The following NTM variants were observed in gnomAD, a reference collection of about 807,000 sequenced individuals.
NTM encodes IgLON family member 2.
A neutral mutation model predicts 42.1 loss-of-function variants in NTM; 13 were observed. The observed-to-expected ratio is 0.31, with a 90% CI of 0.20 to 0.49. The LOEUF is 0.49. NTM is among the 20% of genes least tolerant of loss of function. The probability of loss-of-function intolerance (pLI) is 0.99; values close to 1 mark genes in which losing one functional copy is unlikely to be tolerated. For synonymous variants in NTM, 187 were observed against 179.2 expected (o/e 1.04, Z -0.35); for missense variants, 373 against 452.8 (o/e 0.82, Z 1.60).
intron 4 of NTM, among the ~76,000 whole-genome samples, chr11:132,278,038 C>T (rs1042892233): frequency 3.3e-5 from 5 of 152,188 alleles, no homozygotes; most frequent in Non-Finnish European, 5.9e-5. Context: ...CCACAGTCAC[C>T]GCTTAATCAC....
intron 1 of NTM, among the ~76,000 whole-genome samples, chr11:131,533,148 C>T (rs1312756854): frequency 6.6e-6 from 1 of 152,100 alleles, no homozygotes; most frequent in Non-Finnish European, 1.5e-5. Context: ...CTTCTAGACT[C>T]CCCCATGGCC....
chr11:131,653,411 C>T (rs1485206270), intron 1 of NTM, among the ~76,000 whole-genome samples: 1 of 152,226 alleles, frequency 6.6e-6, no homozygotes, highest in Non-Finnish European at 1.5e-5. Context: ...TCGCTGCCTG[C>T]AGCTGCGGAA....
At chr11:131,478,595 G>A (rs1342123982) in intron 1 of NTM, among the ~76,000 whole-genome samples, 1 of 152,136 alleles carries the variant, frequency 6.6e-6, no homozygotes, top group Non-Finnish European at 1.5e-5. Flanking sequence ...ATGAAGGCAA[G>A]CTTCATATGG....
At chr11:131,875,886 G>A (rs1056777480) in intron 1 of NTM, among the ~76,000 whole-genome samples, 8 of 152,172 alleles carry the variant, frequency 5.3e-5, no homozygotes, top group African/African-American at 1.9e-4. Context: ...TTCAGTTCCT[G>A]GAGGCTGCAG....
chr11:131,658,979 A>G lies in NTM; in HGVS notation c.83-252585A>G, dbSNP rs187866108. 3.9e-5 allele frequency among the ~76,000 whole-genome samples: 6 copies of G among 152,294 alleles called. No homozygotes were observed. In the East Asian group the frequency reaches 1.2e-3, roughly 30 times the overall value. ...AGAGCGAGACTCCAAAAAGAAAAAA[A>G]CAAATAGATGTAAGCACTGAGAAGG... On this transcript the variant is annotated intron_variant, in intron 1 of 8. Coordinates refer to ENST00000683400, the MANE Select transcript of NTM (RefSeq NM_001352005.2).
At chr11:131,529,886 T>TCAGC (rs2051005061) in intron 1 of NTM, among the ~76,000 whole-genome samples, 1 of 152,094 alleles carries the variant, frequency 6.6e-6, no homozygotes, top group African/African-American at 2.4e-5. Context: ...GCCAGCCTCC[T>TCAGC]CAGCCACCCT....
At chr11:131,762,778 G>A (rs2084426878) in intron 1 of NTM, among the ~76,000 whole-genome samples, 1 of 152,228 alleles carries the variant, frequency 6.6e-6, no homozygotes, top group African/African-American at 2.4e-5. Context: ...CAGCCTGACT[G>A]CTCTTAGAAC....
chr11:131,684,392 C>A (rs1248784901), intron 1 of NTM, among the ~76,000 whole-genome samples: 1 of 152,206 alleles, frequency 6.6e-6, no homozygotes, highest in Non-Finnish European at 1.5e-5. Flanking sequence ...AGTTCCCCCA[C>A]ACTCCCTAGT....
chr11:131,890,267 A>T (rs2051110409), intron 1 of NTM, among the ~76,000 whole-genome samples: 1 of 151,272 alleles, frequency 6.6e-6, no homozygotes, highest in Non-Finnish European at 1.5e-5. Context: ...CACACACCAT[A>T]CCCCCTGGAA....
chr11:131,783,743 A>G (rs1050957239), intron 1 of NTM, among the ~76,000 whole-genome samples: 1 of 152,140 alleles, frequency 6.6e-6, no homozygotes, highest in Non-Finnish European at 1.5e-5. Flanking sequence ...TATTTCTTAG[A>G]CCGAAGGCAA....
At chr11:131,924,415 G>A (rs1462326848) in intron 2 of NTM, among the ~76,000 whole-genome samples, 3 of 152,148 alleles carry the variant, frequency 2.0e-5, no homozygotes, top group Non-Finnish European at 4.4e-5. Context: ...GAGATTACTA[G>A]CTGCTCAAAT....
chr11:131,707,428 T>C (rs2076701372), intron 1 of NTM, among the ~76,000 whole-genome samples: 1 of 152,110 alleles, frequency 6.6e-6, no homozygotes, highest in Non-Finnish European at 1.5e-5. Flanking sequence ...TGTATCTTGA[T>C]TACTATGAAT....
intron 2 of NTM, among the ~76,000 whole-genome samples, chr11:132,111,430 G>T (rs993210942): frequency 3.7e-4 from 56 of 152,268 alleles, no homozygotes; most frequent in African/African-American, 1.3e-3. Flanking sequence ...TAAGTGAACA[G>T]AAGGGATCTA....
intron 1 of NTM, among the ~76,000 whole-genome samples, chr11:131,707,726 T>C (rs183608483): frequency 2.0e-5 from 3 of 152,240 alleles, no homozygotes; most frequent in African/African-American, 7.2e-5. Flanking sequence ...ATTCAATATC[T>C]CTTCATTAGA....
At chr11:131,878,319 CCAGCA>C (rs2048834832) in intron 1 of NTM, among the ~76,000 whole-genome samples, 1 of 151,644 alleles carries the variant, frequency 6.6e-6, no homozygotes, top group Non-Finnish European at 1.5e-5. Flanking sequence ...GCCTGTAATC[CCAGCA>C]CTTTGGGAGG....
At chr11:132,194,252 C>G (rs1399966227) in intron 3 of NTM, among the ~76,000 whole-genome samples, 1 of 152,076 alleles carries the variant, frequency 6.6e-6, no homozygotes, top group Non-Finnish European at 1.5e-5. Context: ...AGCAACACAT[C>G]AAAAAGTTAA....
intron 1 of NTM, among the ~76,000 whole-genome samples, chr11:131,887,291 C>T (rs1340250514): frequency 6.6e-6 from 1 of 152,112 alleles, no homozygotes; most frequent in Non-Finnish European, 1.5e-5. Flanking sequence ...AATTATATCT[C>T]AATAAAGCTG....
At chr11:132,053,991 G>A (rs895875877) in intron 2 of NTM, among the ~76,000 whole-genome samples, 4 of 152,186 alleles carry the variant, frequency 2.6e-5, no homozygotes, top group African/African-American at 7.2e-5. Context: ...CAGGGTGGGC[G>A]GATCTCTTGA....
intron 1 of NTM, among the ~76,000 whole-genome samples, chr11:131,789,742 G>A (rs1281502920): frequency 6.6e-6 from 1 of 151,158 alleles, no homozygotes; most frequent in Admixed American, 6.6e-5. Flanking sequence ...GGATCACGAG[G>A]TCAGGAGATC....
Sources: gnomAD v4.1 joint callset for allele counts (sites outside exome capture counted in the v4.1 genomes callset) on GRCh38, gnomAD v4.1.1 for gene constraint, MANE v1.5 for transcripts, NCBI Gene and HGNC (gene_info 2026-07-23, HGNC 2026-07-21) for gene names.